The following RARRES2 variants were observed in gnomAD, a reference collection of about 807,000 sequenced individuals.
RARRES2 encodes retinoic acid receptor responder 2.
A neutral mutation model predicts 17.9 loss-of-function variants in RARRES2; 12 were observed. The observed-to-expected ratio is 0.67, with a 90% CI of 0.43 to 1.08. The LOEUF (loss-of-function observed/expected upper bound fraction) is 1.08. Ranked by LOEUF, RARRES2 falls within the 50% of genes least tolerant of loss-of-function variation. The pLI, the probability that RARRES2 is intolerant of heterozygous loss-of-function variation, is 0.00. For synonymous variants in RARRES2, 82 were observed against 86.8 expected (o/e 0.94, Z 0.31); for missense variants, 220 against 210.1 (o/e 1.05, Z -0.29).
chr7:150,340,754 G>A (rs982849504), intron 1 of RARRES2, 125 bp from the exon 2 acceptor site: 2 of 801,428 alleles, frequency 2.5e-6, no homozygotes, highest in Non-Finnish European at 3.7e-6. Context: ...CTGGGCACAG[G>A]TGAAGGAGCC....
Position 150,338,753 on chromosome 7 carries a change from CA to C in RARRES2, c.376-13del, listed in dbSNP as rs1042256648. The C allele has an allele frequency of 3.2e-6, 5 of 1,559,104 alleles. No homozygotes were observed. The African/African-American group carries it at 6.8e-5, about 21-fold the overall frequency. ...TGCTCCTCAGCCTCCTGCCAGTGCCCAAAACTGTTCAGGCAGTGTAGGAGGG... is the reference window on the plus strand; with the variant it reads ...TGCTCCTCAGCCTCCTGCCAGTGCCCAAACTGTTCAGGCAGTGTAGGAGGG... On this transcript the variant is annotated splice_polypyrimidine_tract_variant and intron_variant, in intron 4 of 5. Transcript: ENST00000223271.
intron 1 of RARRES2, chr7:150,341,106 A>C (rs1798479160): frequency 1.3e-5 from 2 of 153,520 alleles, no homozygotes; most frequent in East Asian, 1.9e-4. Flanking sequence ...AGCCGGGGGA[A>C]GGGGCAGGGG....
chr7:150,340,657 T>C, intron 1 of RARRES2, 28 bp from the exon 2 acceptor site: 3 of 1,439,348 alleles, frequency 2.1e-6, no homozygotes, highest in Non-Finnish European at 2.7e-6. Context: ...GCCCCTCAGC[T>C]CTCCGAGCCA....
chr7:150,340,676 C>G (rs1798464469), intron 1 of RARRES2, 47 bp from the exon 2 acceptor site: 1 of 1,415,538 alleles, frequency 7.1e-7, no homozygotes, highest in Non-Finnish European at 9.2e-7. Context: ...CAGCCCGAGC[C>G]GCCTCCTCCC....
chr7:150,338,963 T>C (rs752705936), intron 4 of RARRES2, 23 bp downstream of exon 4: 14 of 1,575,366 alleles, frequency 8.9e-6, no homozygotes, highest in African/African-American at 4.1e-5. Flanking sequence ...TGTCACCACC[T>C]GTGCACCCTT....
At position 150,340,282 on chromosome 7, in the gene RARRES2, T is replaced by G. The variant is rs1798450688; in HGVS notation, c.175-78A>C. On this transcript the variant is annotated intron_variant, in intron 2 of 5. Transcript: ENST00000223271. Reference sequence around the variant, plus strand: ...AGCAAGCCCTGGTGTGATCCGCACCTCCCTCACGCAGTCACATTCCAGCAG... The same window carrying G: ...AGCAAGCCCTGGTGTGATCCGCACCGCCCTCACGCAGTCACATTCCAGCAG... 6 of 1,556,026 alleles carry G rather than the reference T, an allele frequency of 3.9e-6. No homozygotes were observed. In the East Asian group the frequency reaches 1.1e-4, roughly 29 times the overall value.
At chr7:150,339,507 T>C (rs1306718109) in intron 3 of RARRES2, among the ~76,000 whole-genome samples, 1 of 142,982 alleles carries the variant, frequency 7.0e-6, no homozygotes, top group African/African-American at 2.7e-5. Context: ...CTGTCACCTA[T>C]TCTATTTATT....
At chr7:150,339,478 C>T (rs891899430) in intron 3 of RARRES2, among the ~76,000 whole-genome samples, 6 of 152,162 alleles carry the variant, frequency 3.9e-5, no homozygotes, top group South Asian at 2.1e-4. Context: ...TCCCACCCAA[C>T]GCCTCCAGAG....
intron 2 of RARRES2, 85 bp from the exon 3 acceptor site, chr7:150,340,289 C>G (rs1265031415): frequency 6.4e-7 from 1 of 1,554,810 alleles, no homozygotes; most frequent in Admixed American, 1.7e-5. Flanking sequence ...ACCTCCCTCA[C>G]GCAGTCACAT....
intron 1 of RARRES2, 21 bp from the exon 2 acceptor site, chr7:150,340,650 C>T: frequency 6.9e-7 from 1 of 1,455,550 alleles, no homozygotes; most frequent in Middle Eastern, 2.4e-4. Flanking sequence ...GGTGTGCGCC[C>T]CTCAGCTCTC....
Position 150,338,609 on chromosome 7 carries a change from G to C in RARRES2, c.*10+6C>G, listed in dbSNP as rs1309160282. Reference sequence around the variant, plus strand: ...CAGACGGTGCTCTCAGCCCCCTGGTGCCTACCAGTGCTGGCTTAGCTGCGG... The same window carrying C: ...CAGACGGTGCTCTCAGCCCCCTGGTCCCTACCAGTGCTGGCTTAGCTGCGG... On this transcript the variant is annotated splice_donor_region_variant and intron_variant, in intron 5 of 5. Transcript: ENST00000223271. The C allele has an allele frequency of 6.4e-7, 1 of 1,552,270 alleles. No homozygotes were observed. The highest frequency in any genetic ancestry group is 1.4e-5 in the African/African-American group (1 of 73,122).
chr7:150,340,555 C>T lies in RARRES2; in HGVS notation c.55G>A (p.Val19Ile), dbSNP rs749937560. The T allele has an allele frequency of 1.5e-5, 23 of 1,569,978 alleles. No homozygotes were observed. The highest frequency in any genetic ancestry group is 2.4e-5 in the East Asian group (1 of 42,514). The change falls in exon 2 of 6, where the codon GTC becomes ATC. Residue 19 changes from valine (V) to isoleucine (I), a missense_variant. By Grantham distance (29) the Val-to-Ile change is conservative (BLOSUM62 3). Coordinates refer to ENST00000223271, the MANE Select transcript of RARRES2 (RefSeq NM_002889.4). ...CGCTGGGCTTCCGTGAGCTCGGCGACGCCCACGCCCACCGCACCCAGCCAC... is the reference window on the plus strand; with the variant it reads ...CGCTGGGCTTCCGTGAGCTCGGCGATGCCCACGCCCACCGCACCCAGCCAC... ...ALWLGAVGVGVAELTEAQRRG... is the reference protein window; with the variant it reads ...ALWLGAVGVGIAELTEAQRRG...
chr7:150,338,908 T>C, intron 4 of RARRES2, 78 bp downstream of exon 4: 4 of 1,542,498 alleles, frequency 2.6e-6, no homozygotes, highest in Non-Finnish European at 2.7e-6. Context: ...AGCTTTAGCC[T>C]CGAGACCAGC....
Position 150,340,459 on chromosome 7 carries a change from T to C in RARRES2, c.151A>G (p.Ser51Gly), listed in dbSNP as rs940993723. Reference protein sequence around the residue: ...PPVQWAFQETSVESAVDTPFP... With the variant: ...PPVQWAFQETGVESAVDTPFP... ...ACCGTGTCCACGGCGCTCTCCACAC[T>C]GGTCTCCTGGAAGGCCCACTGCACG... The change falls in exon 2 of 6, where the codon AGT becomes GGT. Residue 51 changes from serine to glycine, a missense_variant. By Grantham distance (56) the Ser-to-Gly change is moderately conservative. Coordinates refer to ENST00000223271, the MANE Select transcript of RARRES2 (RefSeq NM_002889.4). 2.5e-6 allele frequency: 4 copies of C among 1,609,010 alleles called. No individual in the cohort carries two copies. The African/African-American group carries it at 5.3e-5, about 21-fold the overall frequency.
intron 3 of RARRES2, 148 bp from the exon 4 acceptor site, chr7:150,339,229 G>A: frequency 1.4e-6 from 1 of 710,356 alleles, no homozygotes; most frequent in Admixed American, 2.5e-5. Flanking sequence ...ATGCAGGCCA[G>A]CAGGTTTCAG....
At chr7:150,340,864 C>A in intron 1 of RARRES2, 3 of 433,808 alleles carry the variant, frequency 6.9e-6, no homozygotes, top group Non-Finnish European at 1.2e-5. Context: ...GCAGTTTTAG[C>A]AAAGTTCCCT....
chr7:150,338,655 G>A lies in RARRES2; in HGVS notation c.462C>T (p.Phe154=), dbSNP rs767642816. Reference sequence around the variant, plus strand: ...TGCGGGGCAGGGCCTTGGAGAAGGCGAACTGTCCAGGGAAGTAGAAGCTGT... The same window carrying A: ...TGCGGGGCAGGGCCTTGGAGAAGGCAAACTGTCCAGGGAAGTAGAAGCTGT... The part of the protein sequence containing the change: ...DPHSFYFPGQ[F]AFSKALPRS Residue 154 remains phenylalanine, a synonymous_variant, in exon 5 of 6, where the codon TTC becomes TTT. Transcript: ENST00000223271. 99 of 1,555,160 alleles carry A rather than the reference G, an allele frequency of 6.4e-5. No individual in the cohort carries two copies. Among genetic ancestry groups the A allele is most frequent in the Non-Finnish European group, 8.2e-5 (94 of 1,148,884 alleles).
rs535178572 is a variant in RARRES2 at position 150,340,672 on chromosome 7, G to T, written c.-20-43C>A. ...GCCCCTCAGCTCTCCGAGCCAGCCCGAGCCGCCTCCTCCCGCGCCCTGCTC... is the reference window on the plus strand; with the variant it reads ...GCCCCTCAGCTCTCCGAGCCAGCCCTAGCCGCCTCCTCCCGCGCCCTGCTC... On this transcript the variant is annotated intron_variant, in intron 1 of 5. Coordinates refer to ENST00000223271, the MANE Select transcript of RARRES2 (RefSeq NM_002889.4). The T allele has an allele frequency of 4.2e-6, 6 of 1,426,660 alleles. No individual in the cohort carries two copies. The East Asian group carries it at 1.6e-4, about 37-fold the overall frequency. The allele number at this position is 1,426,660 out of a possible 1,614,324, so 88.4% of individuals were successfully genotyped here.
intron 1 of RARRES2, 145 bp from the exon 2 acceptor site, chr7:150,340,774 C>T (rs1014796993): frequency 1.5e-6 from 1 of 678,696 alleles, no homozygotes. Context: ...CTGGAAATGG[C>T]CCTTTCTCCA....
Sources: gnomAD v4.1 joint callset for allele counts (sites outside exome capture counted in the v4.1 genomes callset) on GRCh38, gnomAD v4.1.1 for gene constraint, MANE v1.5 for transcripts, NCBI Gene and HGNC (gene_info 2026-07-23, HGNC 2026-07-21) for gene names.